Variants in COBL observed in about 807,000 individuals in gnomAD.
COBL encodes the protein cordon-bleu WH2 repeat protein.
A neutral mutation model predicts 98.8 loss-of-function variants in COBL; 51 were observed. The ratio of observed to expected loss-of-function variants is 0.52; its 90% CI spans 0.41 to 0.65. The LOEUF (loss-of-function observed/expected upper bound fraction) is 0.65, where lower values mean the gene tolerates loss of function less well. Among genes scored for constraint, COBL ranks in the 30% least tolerant of loss-of-function variants. The pLI, the probability that COBL is intolerant of heterozygous loss-of-function variation, is 0.00. For synonymous variants in COBL, 634 were observed against 651.7 expected (o/e 0.97, Z 0.41); for missense variants, 1,617 against 1,617.5 (o/e 1.00, Z 0.01).
chr7:51,058,723 T>C (rs933216567), intron 7 of COBL, among the ~76,000 whole-genome samples: 2 of 152,168 alleles, frequency 1.3e-5, no homozygotes, highest in South Asian at 4.1e-4. Flanking sequence ...AGGAGCTTCA[T>C]GGAGAGGCGT....
At chr7:51,189,800 T>A (rs1304885995) in intron 4 of COBL, among the ~76,000 whole-genome samples, 1 of 152,236 alleles carries the variant, frequency 6.6e-6, no homozygotes, top group Non-Finnish European at 1.5e-5. Context: ...TGAGGCTTAT[T>A]AGAAGAGAAA....
intron 6 of COBL, among the ~76,000 whole-genome samples, chr7:51,113,430 T>G (rs1211847649): frequency 6.6e-6 from 1 of 152,200 alleles, no homozygotes. Flanking sequence ...TTGTCTAATC[T>G]CTCTCCAATA....
intron 4 of COBL, among the ~76,000 whole-genome samples, chr7:51,187,390 ATC>A (rs1789650547): frequency 6.6e-6 from 1 of 151,858 alleles, no homozygotes; most frequent in African/African-American, 2.4e-5. Context: ...ACATATAAAC[ATC>A]TCTTTCTGTA....
intron 1 of COBL, among the ~76,000 whole-genome samples, chr7:51,232,577 C>T (rs928099681): frequency 6.6e-6 from 1 of 152,118 alleles, no homozygotes. Context: ...TTTGGGAGGC[C>T]AAGGCGGGCG....
intron 5 of COBL, among the ~76,000 whole-genome samples, chr7:51,156,848 T>C (rs916711061): frequency 1.3e-5 from 2 of 152,160 alleles, no homozygotes; most frequent in South Asian, 4.1e-4. Context: ...TAAACTGTTC[T>C]GTACTTAAAA....
intron 1 of COBL, among the ~76,000 whole-genome samples, chr7:51,315,492 T>C (rs1163328738): frequency 6.6e-6 from 1 of 152,190 alleles, no homozygotes; most frequent in Non-Finnish European, 1.5e-5. Context: ...AGATTTGTTG[T>C]CCCCAAAGCT....
At chr7:51,232,587 G>A (rs542949442) in intron 1 of COBL, among the ~76,000 whole-genome samples, 8 of 152,126 alleles carry the variant, frequency 5.3e-5, no homozygotes, top group Non-Finnish European at 1.0e-4. Flanking sequence ...CAAGGCGGGC[G>A]GATCATGAGG....
At chr7:51,281,646 TAAA>T (rs71021762) in intron 1 of COBL, among the ~76,000 whole-genome samples, 3 of 144,816 alleles carry the variant, frequency 2.1e-5, no homozygotes, top group African/African-American at 7.5e-5. Flanking sequence ...AGTACTGAGA[TAAA>T]AAAAAAAAAA....
chr7:51,229,977 C>T (rs192177241), intron 1 of COBL, among the ~76,000 whole-genome samples: 119 of 152,272 alleles, frequency 7.8e-4, no homozygotes, highest in African/African-American at 2.4e-3. Flanking sequence ...CACACCCCTA[C>T]CTTTAGCCCC....
chr7:51,270,168 G>A (rs1798626662), intron 1 of COBL, among the ~76,000 whole-genome samples: 1 of 152,180 alleles, frequency 6.6e-6, no homozygotes, highest in Non-Finnish European at 1.5e-5. Flanking sequence ...AGCACACAGG[G>A]CTTGGCTGGA....
chr7:51,168,398 T>A (rs1562988828), intron 5 of COBL, among the ~76,000 whole-genome samples: 1 of 150,592 alleles, frequency 6.6e-6, no homozygotes, highest in African/African-American at 2.4e-5. Flanking sequence ...ATCGCACCAC[T>A]GCACTCCAGC....
intron 2 of COBL, among the ~76,000 whole-genome samples, chr7:51,207,307 G>A (rs1027275253): frequency 4.0e-5 from 6 of 151,306 alleles, no homozygotes; most frequent in African/African-American, 1.5e-4. Flanking sequence ...TTTAACAAGC[G>A]ATTACAGATC....
Position 51,316,802 on chromosome 7 carries a change from T to C in COBL, c.-169A>G. ...GCGCGGCGGACGGAAGGGGCTGGAA[T>C]CGTCTCTAGCGGGCGGGGGCGCCGG... On this transcript the variant is annotated 5_prime_UTR_variant, in exon 1 of 13. Transcript: ENST00000265136. 2.2e-6 allele frequency: 1 copy of C among 446,160 alleles called. No homozygotes were observed. The highest frequency in any genetic ancestry group is 3.4e-6 in the Non-Finnish European group (1 of 291,074). The allele number at this position is 446,160 out of a possible 1,614,324, so 27.6% of individuals were successfully genotyped here.
intron 1 of COBL, among the ~76,000 whole-genome samples, chr7:51,225,084 C>T (rs1387526119): frequency 6.6e-6 from 1 of 152,186 alleles, no homozygotes; most frequent in Non-Finnish European, 1.5e-5. Flanking sequence ...TTGTCTGTTT[C>T]GTGCTTTCAG....
At chr7:51,256,337 C>G (rs1411771127) in intron 1 of COBL, among the ~76,000 whole-genome samples, 1 of 152,232 alleles carries the variant, frequency 6.6e-6, no homozygotes, top group Non-Finnish European at 1.5e-5. Flanking sequence ...TGCAGGAGCC[C>G]GGGTCCCACC....
At chr7:51,059,003 A>T (rs1425841315) in intron 7 of COBL, among the ~76,000 whole-genome samples, 2 of 152,234 alleles carry the variant, frequency 1.3e-5, no homozygotes, top group Non-Finnish European at 2.9e-5. Context: ...TGTTAGGGTC[A>T]CTGGGGTGTC....
In COBL at chr7:51,263,269, A is replaced by T. The variant is rs139622827; in HGVS notation, c.42-43325T>A. The stretch of plus-strand genomic sequence containing the variant: ...GCCCTAGGCTCCTATGAGCAAGAGC[A>T]CACAGGCCAGGAGGCCTGGGGAGGG... On this transcript the variant is annotated intron_variant, in intron 1 of 12. Coordinates refer to ENST00000265136, the MANE Select transcript of COBL (RefSeq NM_015198.5). Among the ~76,000 whole-genome samples, 116 of 152,270 alleles carry T rather than the reference A, an allele frequency of 7.6e-4. No homozygotes were observed. The East Asian group carries it at 0.018, about 24-fold the overall frequency.
intron 1 of COBL, among the ~76,000 whole-genome samples, chr7:51,311,620 C>T (rs186923373): frequency 9.9e-5 from 15 of 152,236 alleles, no homozygotes; most frequent in African/African-American, 3.6e-4. Context: ...GTGACGTAGG[C>T]TTCCCATCAA....
chr7:51,041,684 A>C (rs1010430841), intron 8 of COBL, among the ~76,000 whole-genome samples: 11 of 151,796 alleles, frequency 7.2e-5, no homozygotes, highest in African/African-American at 2.7e-4. Flanking sequence ...AGGTTTCACC[A>C]TGTTGGCCAG....
Sources: allele counts gnomAD v4.1 joint callset (sites outside exome capture counted in the v4.1 genomes callset), GRCh38; gene constraint gnomAD v4.1.1; transcripts MANE v1.5; gene names NCBI Gene and HGNC (gene_info 2026-07-23, HGNC 2026-07-21).